Variants in PRKN observed in about 807,000 individuals in gnomAD.
PRKN encodes parkin RBR E3 ubiquitin protein ligase, also known as E3 ubiquitin-protein ligase parkin.
PRKN carries 56 observed loss-of-function variants against 59.5 expected under a neutral mutation model. That is an observed-to-expected ratio of 0.94 (90% CI 0.76 to 1.18). The LOEUF (loss-of-function observed/expected upper bound fraction) is 1.18, where lower values mean the gene tolerates loss of function less well. Ranked by LOEUF, PRKN falls within the 50% of genes most tolerant of loss-of-function variation. The pLI, the probability that PRKN is intolerant of heterozygous loss-of-function variation, is 0.00. For missense variants in PRKN, 657 were observed against 596.4 expected, an observed-to-expected ratio of 1.10 and a Z score of -1.06; for synonymous variants, 250 against 222.1, an observed-to-expected ratio of 1.13 and a Z score of -1.12.
At chr6:161,773,630 A>G (rs1583142909) in intron 7 of PRKN, among the ~76,000 whole-genome samples, 7 of 152,334 alleles carry the variant, frequency 4.6e-5, no homozygotes. Flanking sequence ...ATTTCTTTGC[A>G]TAAGTAATAA....
rs373871165 is a variant in PRKN, at chr6:162,414,709, T to TGAAAAAAAAAAAAAAAAAAAA, written c.171+28600_171+28601insTTTTTTTTTTTTTTTTTTTTC. 5.8e-4 allele frequency among the ~76,000 whole-genome samples: 26 copies of TGAAAAAAAAAAAAAAAAAAAA among 44,548 alleles called. 3 individuals are homozygous for TGAAAAAAAAAAAAAAAAAAAA. Among genetic ancestry groups the TGAAAAAAAAAAAAAAAAAAAA allele is most frequent in the African/African-American group, 7.9e-4 (5 of 6,332 alleles). 29.2% of individuals were successfully genotyped at this position (44,548 alleles called of 152,430 possible). On this transcript the variant is annotated intron_variant, in intron 2 of 11. Transcript: ENST00000366898. ...CTGGTCAACTGAGCAAGACTCCGTC[T>TGAAAAAAAAAAAAAAAAAAAA]CAAAAAAAAAAAAAAAAAGTGAATC...
At chr6:162,053,088 A>G (rs940674708) in intron 5 of PRKN, among the ~76,000 whole-genome samples, 2 of 152,222 alleles carry the variant, frequency 1.3e-5, no homozygotes, top group East Asian at 1.9e-4. Context: ...CATACAAGTC[A>G]TTATCTTTCT....
Position 161,471,912 on chromosome 6 carries a change from C to T in PRKN, c.1083+76942G>A, listed in dbSNP as rs1280348109. 6.6e-6 allele frequency among the ~76,000 whole-genome samples: 1 copy of T among 151,962 alleles called. No individual in the cohort carries two copies. Among genetic ancestry groups the T allele is most frequent in the East Asian group, 1.9e-4 (1 of 5,188 alleles). On this transcript the variant is annotated intron_variant, in intron 9 of 11. Coordinates refer to ENST00000366898, the MANE Select transcript of PRKN (RefSeq NM_004562.3). The surrounding 1 kb of genome is among the most constrained non-coding windows in gnomAD (Gnocchi z 4.5). ...ATAGTTTTCTTTTGCTATGTGGTGG[C>T]AAGACCTCACCTGGAATCTGTTTAA...
chr6:161,644,195 T>C (rs1783843090), intron 7 of PRKN, among the ~76,000 whole-genome samples: 1 of 152,152 alleles, frequency 6.6e-6, no homozygotes. Context: ...TTAGGAGGCT[T>C]AAAATTTGGA....
Position 161,386,341 on chromosome 6 carries a change from C to T in PRKN, c.1167+453G>A, listed in dbSNP as rs1470371669. Reference sequence around the variant, plus strand: ...GACTGAAACACCAGTTAGCATAGGGCATGATGCTGCTAAAGGACAATGATA... The same window carrying T: ...GACTGAAACACCAGTTAGCATAGGGTATGATGCTGCTAAAGGACAATGATA... On this transcript the variant is annotated intron_variant, in intron 10 of 11. Coordinates refer to ENST00000366898, the MANE Select transcript of PRKN (RefSeq NM_004562.3). This position sits in a 1 kb window ranked among gnomAD's most constrained non-coding sequence, Gnocchi z 4.3. Among the ~76,000 whole-genome samples the T allele has an allele frequency of 1.3e-5, 2 of 152,180 alleles. No homozygotes were observed. The highest frequency in any genetic ancestry group is 2.9e-5 in the Non-Finnish European group (2 of 68,040).
At position 161,940,084 on chromosome 6, in the gene PRKN, C is replaced by T. The variant is rs529925412; in HGVS notation, c.734+33218G>A. ...GCTAATTTTGCATTTTTAGTAGAGACGGGGTTTCTCCATGTTGGTCAGGCT... is the reference window on the plus strand; with the variant it reads ...GCTAATTTTGCATTTTTAGTAGAGATGGGGTTTCTCCATGTTGGTCAGGCT... On this transcript the variant is annotated intron_variant, in intron 6 of 11. Transcript: ENST00000366898. Among the ~76,000 whole-genome samples, 239 of 151,946 alleles carry T rather than the reference C, an allele frequency of 1.6e-3. 1 individual carries two copies. Among genetic ancestry groups the T allele is most frequent in the African/African-American group, 5.3e-3 (218 of 41,458 alleles).
chr6:162,572,471 T>C (rs545753299), intron 1 of PRKN, among the ~76,000 whole-genome samples: 2 of 152,302 alleles, frequency 1.3e-5, no homozygotes, highest in Non-Finnish European at 2.9e-5. Flanking sequence ...ATGAAGATAA[T>C]GGAGCAGTGA....
At chr6:162,338,343 G>A (rs1012024102) in intron 2 of PRKN, among the ~76,000 whole-genome samples, 5 of 152,012 alleles carry the variant, frequency 3.3e-5, no homozygotes, top group Non-Finnish European at 7.4e-5. Flanking sequence ...CTGCCATCTC[G>A]GCTCACTGCA....
rs1785440588 is a variant in PRKN, at chr6:161,371,449, G to C, written c.1168-11244C>G. 6.7e-6 allele frequency among the ~76,000 whole-genome samples: 1 copy of C among 150,094 alleles called. No homozygotes were observed. Among genetic ancestry groups the C allele is most frequent in the African/African-American group, 2.5e-5 (1 of 40,666 alleles). On this transcript the variant is annotated intron_variant, in intron 10 of 11. Transcript: ENST00000366898. The surrounding 1 kb of genome is among the most constrained non-coding windows in gnomAD (Gnocchi z 5.5). ...CAAAGTGCTTGGATTACAGGTGTGA[G>C]CCACTGCGCCCGGCCTATTTTGTTA... is the stretch of plus-strand genomic sequence containing the variant.
Position 161,544,047 on chromosome 6 carries a change from G to A in PRKN, c.1083+4807C>T, listed in dbSNP as rs1015631433. ...AAAAATAGGATCTAGGGTTAGCAGA[G>A]TGAGGCTAGACTAGTATTTGGTACC... On this transcript the variant is annotated intron_variant, in intron 9 of 11. Transcript: ENST00000366898. This position sits in a 1 kb window ranked among gnomAD's most constrained non-coding sequence, Gnocchi z 5.5. Among the ~76,000 whole-genome samples the A allele has an allele frequency of 6.6e-6, 1 of 152,214 alleles. No individual in the cohort carries two copies. The highest frequency in any genetic ancestry group is 6.5e-5 in the Admixed American group (1 of 15,274).
At chr6:161,517,599 GC>G (rs1268894230) in intron 9 of PRKN, among the ~76,000 whole-genome samples, 1 of 151,902 alleles carries the variant, frequency 6.6e-6, no homozygotes, top group Non-Finnish European at 1.5e-5. Context: ...AATTAGCCGG[GC>G]ATGGTGGCGG....
At position 162,093,572 on chromosome 6, in the gene PRKN, A is replaced by G. The variant is rs146988835; in HGVS notation, c.535-39398T>C. Among the ~76,000 whole-genome samples the G allele has an allele frequency of 6.2e-3, 946 of 152,322 alleles. 4 individuals carry two copies. Among genetic ancestry groups the G allele is most frequent in the Non-Finnish European group, 9.9e-3 (672 of 68,022 alleles). ...ACAATTTAGCCCATTACTTTGGTTC[A>G]AACAGATTTCACCTCAAAACAGATG... On this transcript the variant is annotated intron_variant, in intron 4 of 11. Coordinates refer to ENST00000366898, the MANE Select transcript of PRKN (RefSeq NM_004562.3).
At chr6:161,716,776 G>A (rs901579138) in intron 7 of PRKN, among the ~76,000 whole-genome samples, 7 of 152,208 alleles carry the variant, frequency 4.6e-5, no homozygotes, top group South Asian at 4.1e-4. Context: ...TGGGGGCAGC[G>A]TGGGAGGTGA....
chr6:162,015,521 G>C (rs1279942036), intron 5 of PRKN, among the ~76,000 whole-genome samples: 1 of 152,162 alleles, frequency 6.6e-6, no homozygotes, highest in African/African-American at 2.4e-5. Flanking sequence ...ATTTTCAACA[G>C]GAATGGCATT....
chr6:162,176,755 C>T (rs1231214028), intron 4 of PRKN, among the ~76,000 whole-genome samples: 3 of 152,078 alleles, frequency 2.0e-5, no homozygotes, highest in African/African-American at 7.2e-5. Flanking sequence ...ATACATGCGA[C>T]TCCCACAGTA....
intron 9 of PRKN, among the ~76,000 whole-genome samples, chr6:161,421,540 A>G (rs1298590533): frequency 6.6e-6 from 1 of 152,194 alleles, no homozygotes; most frequent in Non-Finnish European, 1.5e-5. Context: ...TAGTTACAGC[A>G]TAACTTCCTT....
intron 4 of PRKN, among the ~76,000 whole-genome samples, chr6:162,107,899 AG>A (rs1780261148): frequency 6.6e-6 from 1 of 152,226 alleles, no homozygotes. Context: ...AAAACCCCAT[AG>A]AATCTAAGTT....
chr6:162,565,831 C>A (rs4709638), intron 1 of PRKN, among the ~76,000 whole-genome samples: 46,672 of 151,846 alleles, frequency 0.31, 7,626 homozygotes, highest in East Asian at 0.49. Context: ...ATGTTGCCTA[C>A]AAGAAACACA....
At chr6:161,748,972 C>T (rs571406698) in intron 7 of PRKN, among the ~76,000 whole-genome samples, 1 of 152,300 alleles carries the variant, frequency 6.6e-6, no homozygotes, top group African/African-American at 2.4e-5. Flanking sequence ...ACAAAACAAA[C>T]CAACCCGCCG....
Sources: allele counts gnomAD v4.1 joint callset (sites outside exome capture counted in the v4.1 genomes callset), GRCh38; gene constraint gnomAD v4.1.1; non-coding constraint Gnocchi (gnomAD v3.1); transcripts MANE v1.5; gene names NCBI Gene and HGNC (gene_info 2026-07-23, HGNC 2026-07-21).